The following GLG1 variants were observed in gnomAD, a reference collection of about 807,000 sequenced individuals.
GLG1 encodes golgi glycoprotein 1.
Under a neutral mutation model 160.5 loss-of-function variants are expected in GLG1, and 38 were observed. That is an observed-to-expected ratio of 0.24 (90% CI 0.18 to 0.31). GLG1 has a LOEUF of 0.31. Among genes scored for constraint, GLG1 ranks in the 10% least tolerant of loss-of-function variants. The pLI is 1.00. For missense variants in GLG1, 1,373 were observed against 1,505.2 expected (o/e 0.91, Z 1.45); for synonymous variants, 644 against 543.4 (o/e 1.19, Z -2.57).
At chr16:74,551,612 ATTTTTT>A (rs535693858) in intron 1 of GLG1, among the ~76,000 whole-genome samples, 2 of 143,126 alleles carry the variant, frequency 1.4e-5, no homozygotes, top group Non-Finnish European at 3.1e-5. Flanking sequence ...CCCAGCCCTT[ATTTTTT>A]TTTTTTTAAA....
intron 1 of GLG1, among the ~76,000 whole-genome samples, chr16:74,595,337 A>G (rs1419231669): frequency 6.6e-6 from 1 of 152,000 alleles, no homozygotes; most frequent in African/African-American, 2.4e-5. Flanking sequence ...GGAGATCGAG[A>G]CCATCCTGGC....
intron 1 of GLG1, among the ~76,000 whole-genome samples, chr16:74,567,812 C>T (rs1470162520): frequency 2.0e-5 from 3 of 151,832 alleles, no homozygotes; most frequent in Non-Finnish European, 1.5e-5. Context: ...TCATGATCCA[C>T]CCGCCTCGGC....
chr16:74,522,465 A>C (rs2017197011), intron 2 of GLG1, among the ~76,000 whole-genome samples: 1 of 152,204 alleles, frequency 6.6e-6, no homozygotes, highest in Non-Finnish European at 1.5e-5. Context: ...CTGATTACTA[A>C]GCGAAGTTAA....
intron 19 of GLG1, among the ~76,000 whole-genome samples, chr16:74,465,000 G>A (rs990300562): frequency 3.9e-5 from 6 of 152,048 alleles, no homozygotes; most frequent in South Asian, 4.1e-4. Flanking sequence ...CACCACACCC[G>A]GCTAATTTTT....
Position 74,572,081 on chromosome 16 carries a change from G to A in GLG1, c.438+34576C>T, listed in dbSNP as rs913930323. On this transcript the variant is annotated intron_variant, in intron 1 of 25. Coordinates refer to ENST00000422840, the MANE Select transcript of GLG1 (RefSeq NM_001145667.2). ...AAAAAGCTAATTTAGGATGGGGCTA[G>A]TCACTGGAAAAACCAAGGCATGATT... 2.1e-4 allele frequency among the ~76,000 whole-genome samples: 32 copies of A among 152,136 alleles called. 1 individual carries two copies. The highest frequency in any genetic ancestry group is 7.4e-5 in the Non-Finnish European group (5 of 68,024).
Position 74,483,163 on chromosome 16 carries a change from T to A in GLG1, c.1572-39A>T, listed in dbSNP as rs2015667712. On this transcript the variant is annotated intron_variant, in intron 9 of 25. Transcript: ENST00000422840. ...GTGTAAAATTGTAACAAGAGAGAAG[T>A]GTTCAGAACTCTATGTCAATATAGT... The A allele has an allele frequency of 3.5e-6, 4 of 1,154,376 alleles. No individual in the cohort carries two copies. In the East Asian group the frequency reaches 7.0e-5, roughly 20 times the overall value. The allele number at this position is 1,154,376 out of a possible 1,614,324, so 71.5% of individuals were successfully genotyped here. A position where few individuals can be genotyped will look rare whatever the true frequency, so the allele number is the denominator to read the frequency against.
chr16:74,549,164 A>G (rs776751208), intron 1 of GLG1, among the ~76,000 whole-genome samples: 15 of 152,198 alleles, frequency 9.9e-5, no homozygotes, highest in Non-Finnish European at 1.6e-4. Flanking sequence ...CAAAAATTTA[A>G]TATTTTCCTT....
chr16:74,566,786 T>C (rs994878662), intron 1 of GLG1, among the ~76,000 whole-genome samples: 3 of 152,164 alleles, frequency 2.0e-5, no homozygotes, highest in Admixed American at 2.0e-4. Flanking sequence ...GCATAATAAA[T>C]ATCTGATGGG....
chr16:74,487,407 A>C (rs1419185840), intron 8 of GLG1, among the ~76,000 whole-genome samples: 2 of 151,552 alleles, frequency 1.3e-5, no homozygotes, highest in Non-Finnish European at 2.9e-5. Context: ...CAAATTTATC[A>C]GAGAACCATA....
rs180995657 is a variant in GLG1 at position 74,519,551 on chromosome 16, T to C, written c.472-10626A>G. The stretch of plus-strand genomic sequence containing the variant: ...ACTTGATATTGATAATAAATGACTA[T>C]GTTACTGGTTTTTGAAAAAAAAAAA... On this transcript the variant is annotated intron_variant, in intron 2 of 25. Transcript: ENST00000422840. Among the ~76,000 whole-genome samples, 446 of 90,276 alleles carry C rather than the reference T, an allele frequency of 4.9e-3. 6 individuals carry two copies. The highest frequency in any genetic ancestry group is 3.1e-3 in the Non-Finnish European group (127 of 41,328). The allele number at this position is 90,276 out of a possible 152,430, so 59.2% of individuals were successfully genotyped here.
chr16:74,605,467 G>A (rs1958544695), intron 1 of GLG1, among the ~76,000 whole-genome samples: 1 of 152,148 alleles, frequency 6.6e-6, no homozygotes, highest in African/African-American at 2.4e-5. Flanking sequence ...CAAAAAGTTC[G>A]ACAGAGTTAG....
intron 24 of GLG1, among the ~76,000 whole-genome samples, chr16:74,457,260 G>C (rs1403728034): frequency 1.3e-5 from 2 of 152,154 alleles, no homozygotes; most frequent in African/African-American, 4.8e-5. Context: ...AGCCAGGCAT[G>C]GTGGTGGGTG....
At chr16:74,555,650 T>C (rs1321420870) in intron 1 of GLG1, among the ~76,000 whole-genome samples, 2 of 151,922 alleles carry the variant, frequency 1.3e-5, no homozygotes, top group Non-Finnish European at 1.5e-5. Context: ...GACTCCTCCA[T>C]TGTGCTCCAG....
intron 1 of GLG1, among the ~76,000 whole-genome samples, chr16:74,578,689 T>G (rs1957868090): frequency 6.6e-6 from 1 of 152,192 alleles, no homozygotes; most frequent in Non-Finnish European, 1.5e-5. Context: ...AACACAGGCC[T>G]CCTTAGAGTA....
At chr16:74,564,085 T>C (rs989896220) in intron 1 of GLG1, among the ~76,000 whole-genome samples, 1 of 152,190 alleles carries the variant, frequency 6.6e-6, no homozygotes, top group Non-Finnish European at 1.5e-5. Context: ...GAGGCCCGGC[T>C]AATTTTTGTA....
chr16:74,520,060 T>C (rs753079060), intron 2 of GLG1, among the ~76,000 whole-genome samples: 1 of 152,232 alleles, frequency 6.6e-6, no homozygotes, highest in Non-Finnish European at 1.5e-5. Context: ...TATTTTCCTA[T>C]ACACCCATTA....
intron 2 of GLG1, among the ~76,000 whole-genome samples, chr16:74,528,529 A>G (rs189201157): frequency 6.6e-6 from 1 of 151,974 alleles, no homozygotes; most frequent in East Asian, 2.0e-4. Context: ...TAATGTGTCT[A>G]GGCTAGGTGT....
chr16:74,543,287 A>G (rs1283629240), intron 1 of GLG1, among the ~76,000 whole-genome samples: 1 of 152,222 alleles, frequency 6.6e-6, no homozygotes, highest in Admixed American at 6.5e-5. Context: ...CTAAATTGGG[A>G]AAAAAATTTA....
chr16:74,469,180 T>C (rs79193356), intron 16 of GLG1, 117 bp from the exon 17 acceptor site: 60,028 of 707,768 alleles, frequency 0.085, 3,105 homozygotes, highest in Non-Finnish European at 0.11. Context: ...GGGGAATGTC[T>C]TTCCTGTAAG....
Sources: gnomAD v4.1 joint callset for allele counts (sites outside exome capture counted in the v4.1 genomes callset) on GRCh38, gnomAD v4.1.1 for gene constraint, MANE v1.5 for transcripts, NCBI Gene and HGNC (gene_info 2026-07-23, HGNC 2026-07-21) for gene names.